Variants in ANKRD10 observed in about 807,000 individuals in gnomAD.
ANKRD10 encodes ankyrin repeat domain 10.
ANKRD10 carries 14 observed loss-of-function variants against 27.0 expected under a neutral mutation model. The ratio of observed to expected loss-of-function variants is 0.52; its 90% CI spans 0.34 to 0.81. The LOEUF is 0.81. Among genes scored for constraint, ANKRD10 ranks in the 40% least tolerant of loss-of-function variants. The pLI is 0.01. For missense variants in ANKRD10, 493 were observed against 544.0 expected, an observed-to-expected ratio of 0.91 and a Z score of 0.93; for synonymous variants, 250 against 224.5, an observed-to-expected ratio of 1.11 and a Z score of -1.01.
chr13:110,913,191 TC>T (rs2065770573), intron 1 of ANKRD10, among the ~76,000 whole-genome samples: 1 of 152,234 alleles, frequency 6.6e-6, no homozygotes, highest in Non-Finnish European at 1.5e-5. Context: ...AGATCGTTGT[TC>T]ACTGACTATC....
chr13:110,902,114 G>A (rs1247880405), intron 3 of ANKRD10, among the ~76,000 whole-genome samples: 1 of 148,582 alleles, frequency 6.7e-6, no homozygotes, highest in Non-Finnish European at 1.5e-5. Context: ...GAATTCAGAG[G>A]ACCTAAAATC....
At chr13:110,914,085 A>C (rs9583547) in intron 1 of ANKRD10, among the ~76,000 whole-genome samples, 39 of 152,206 alleles carry the variant, frequency 2.6e-4, no homozygotes, top group Admixed American at 1.1e-3. Context: ...GGCCAGCTAC[A>C]AGCCTTAAAG....
intron 3 of ANKRD10, among the ~76,000 whole-genome samples, chr13:110,901,593 C>G (rs1276496287): frequency 1.3e-5 from 2 of 152,192 alleles, no homozygotes; most frequent in African/African-American, 2.4e-5. Context: ...AAATTCTGAA[C>G]AATTTCTTAA....
rs568015365 is a variant in ANKRD10, at chr13:110,914,400, G to A, written c.210+325C>T. 6.2e-4 allele frequency: 125 copies of A among 200,872 alleles called. 1 individual carries two copies. Among genetic ancestry groups the A allele is most frequent in the African/African-American group, 2.8e-3 (120 of 42,992 alleles). The allele number at this position is 200,872 out of a possible 1,614,324, so 12.4% of individuals were successfully genotyped here. A position where few individuals can be genotyped will look rare whatever the true frequency, so the allele number is the denominator to read the frequency against. On this transcript the variant is annotated intron_variant, in intron 1 of 5. Transcript: ENST00000267339. ...TCCGCGCGCGCGCGCGCTCGCACAG[G>A]ATCCGGCCAACAGGCGCCGGGACCC...
At chr13:110,905,012 A>C (rs1157520963) in intron 3 of ANKRD10, 1 of 152,258 alleles carries the variant, frequency 6.6e-6, no homozygotes, top group African/African-American at 2.4e-5. Context: ...TGAAATGGAA[A>C]CCAAAGGGTT....
At chr13:110,914,474 G>A (rs1057261260) in intron 1 of ANKRD10, 14 of 336,722 alleles carry the variant, frequency 4.2e-5, no homozygotes, top group Middle Eastern at 8.1e-4. Context: ...CCGCACATGC[G>A]CCCTAGGCCC....
chr13:110,894,384 C>A, intron 3 of ANKRD10: 3 of 94,672 alleles, frequency 3.2e-5, no homozygotes, highest in Admixed American at 1.7e-4. Context: ...TGATGCCTTT[C>A]TTGGGGTTAC....
At chr13:110,906,214 T>C (rs923647090) in intron 2 of ANKRD10, 90 bp from the exon 3 acceptor site, 29 of 977,586 alleles carry the variant, frequency 3.0e-5, no homozygotes, top group Middle Eastern at 2.1e-4. Flanking sequence ...TCAGAGACCT[T>C]CTCATCCTTT....
At chr13:110,914,531 G>C in intron 1 of ANKRD10, 194 bp downstream of exon 1, 1 of 703,198 alleles carries the variant, frequency 1.4e-6, no homozygotes, top group Non-Finnish European at 1.9e-6. Context: ...CGCGCCCCCC[G>C]GCTGCCCCGC....
intron 2 of ANKRD10, among the ~76,000 whole-genome samples, chr13:110,906,889 A>G (rs1050230910): frequency 1.3e-5 from 2 of 152,138 alleles, no homozygotes; most frequent in Non-Finnish European, 2.9e-5. Flanking sequence ...GACCCAGGAA[A>G]GCCACTGTGA....
intron 1 of ANKRD10, among the ~76,000 whole-genome samples, chr13:110,913,695 T>A (rs1185946196): frequency 6.6e-6 from 1 of 152,186 alleles, no homozygotes; most frequent in African/African-American, 2.4e-5. Context: ...TTAAAGTAAC[T>A]TATTTCACAT....
chr13:110,886,837 T>TA (rs534775980), intron 4 of ANKRD10, among the ~76,000 whole-genome samples: 2 of 152,218 alleles, frequency 1.3e-5, no homozygotes, highest in African/African-American at 4.8e-5. Flanking sequence ...TATTGATTCT[T>TA]AAAGTTACAC....
At chr13:110,911,964 C>G (rs1179444827) in intron 1 of ANKRD10, among the ~76,000 whole-genome samples, 1 of 152,202 alleles carries the variant, frequency 6.6e-6, no homozygotes, top group East Asian at 1.9e-4. Flanking sequence ...TTTCAAAACC[C>G]TATGGGGGAA....
In ANKRD10 at chr13:110,914,972, A is replaced by C. The variant is rs977115398; in HGVS notation, c.-38T>G. On this transcript the variant is annotated 5_prime_UTR_variant, in exon 1 of 6. Coordinates refer to ENST00000267339, the MANE Select transcript of ANKRD10 (RefSeq NM_017664.4). Reference sequence around the variant, plus strand: ...GAGAGCGCGGGGCTCGCTGGCCTAGAGGACGCGTCGGGGAGGACTCGAGAA... The same window carrying C: ...GAGAGCGCGGGGCTCGCTGGCCTAGCGGACGCGTCGGGGAGGACTCGAGAA... 6.6e-7 allele frequency: 1 copy of C among 1,516,538 alleles called. No homozygotes were observed. The highest frequency in any genetic ancestry group is 2.5e-5 in the East Asian group (1 of 40,514). The allele number at this position is 1,516,538 out of a possible 1,614,324, so 93.9% of individuals were successfully genotyped here.
intron 4 of ANKRD10, chr13:110,892,821 T>G: frequency 1.5e-6 from 2 of 1,355,648 alleles, no homozygotes; most frequent in Non-Finnish European, 9.5e-7. Flanking sequence ...ACTTGGGCCA[T>G]CAGTATTTCC....
intron 3 of ANKRD10, among the ~76,000 whole-genome samples, chr13:110,901,521 T>C (rs185070392): frequency 7.0e-4 from 107 of 152,312 alleles, no homozygotes; most frequent in African/African-American, 2.4e-3. Flanking sequence ...GCACTACCTA[T>C]AAAAGTAGTA....
chr13:110,883,893 T>A, intron 4 of ANKRD10, 100 bp from the exon 5 acceptor site: 65 of 1,236,562 alleles, frequency 5.3e-5, no homozygotes, highest in Middle Eastern at 2.3e-4. Context: ...CTGAACACTT[T>A]AAACAATCAC....
In ANKRD10 at chr13:110,894,409, A is replaced by AAAAAAAAAC. The variant is rs2065167979; in HGVS notation, c.456-1147_456-1146insGTTTTTTTT. 3 of 260,736 alleles carry AAAAAAAAAC rather than the reference A, an allele frequency of 1.2e-5. 1 individual carries two copies. In the South Asian group the frequency reaches 4.1e-4, roughly 36 times the overall value. The allele number at this position is 260,736 out of a possible 1,614,324, so 16.2% of individuals were successfully genotyped here. A position where few individuals can be genotyped will look rare whatever the true frequency, so the allele number is the denominator to read the frequency against. ...CTTGGGGTTACTGTTAATGCAAAAA[A>AAAAAAAAAC]AAAAAAAAAAAAAAAAAACCCCGCA... On this transcript the variant is annotated intron_variant, in intron 3 of 5. Transcript: ENST00000267339.
At position 110,891,871 on chromosome 13, in the gene ANKRD10, C is replaced by CTTTT. The variant is rs10553815; in HGVS notation, c.691+1153_691+1156dup. 2.4e-3 allele frequency among the ~76,000 whole-genome samples: 287 copies of CTTTT among 121,188 alleles called. 2 individuals carry two copies. Among genetic ancestry groups the CTTTT allele is most frequent in the African/African-American group, 7.6e-3 (246 of 32,252 alleles). 79.5% of individuals were successfully genotyped at this position (121,188 alleles called of 152,430 possible). A position where few individuals can be genotyped will look rare whatever the true frequency, so the allele number is the denominator to read the frequency against. ...TATCACATTTACCTTCTTATTAAGA[C>CTTTT]TTTTTTTTTTTTTTTTTTTTAAATA... On this transcript the variant is annotated intron_variant, in intron 4 of 5. Coordinates refer to ENST00000267339, the MANE Select transcript of ANKRD10 (RefSeq NM_017664.4).
Sources: gnomAD v4.1 joint callset for allele counts (sites outside exome capture counted in the v4.1 genomes callset) on GRCh38, gnomAD v4.1.1 for gene constraint, MANE v1.5 for transcripts, NCBI Gene and HGNC (gene_info 2026-07-23, HGNC 2026-07-21) for gene names.